Variants in TRIM54 observed in about 807,000 individuals in gnomAD.
TRIM54 encodes the protein tripartite motif-containing protein 54.
Under a neutral mutation model 42.0 loss-of-function variants are expected in TRIM54, and 40 were observed. The observed-to-expected ratio is 0.95, with a 90% CI of 0.74 to 1.24. The LOEUF (loss-of-function observed/expected upper bound fraction) is 1.24. Among genes scored for constraint, TRIM54 ranks in the 50% most tolerant of loss-of-function variants. The probability of loss-of-function intolerance (pLI) is 0.00; values close to 1 mark genes in which losing one functional copy is unlikely to be tolerated. For synonymous variants in TRIM54, 199 were observed against 194.9 expected (o/e 1.02, Z -0.17); for missense variants, 485 against 480.3 (o/e 1.01, Z -0.09).
rs1192584136 is a variant in TRIM54, at chr2:27,306,742, C to G, written c.*2-145C>G. 5 of 610,282 alleles carry G rather than the reference C, an allele frequency of 8.2e-6. No individual in the cohort carries two copies. Among genetic ancestry groups the G allele is most frequent in the Non-Finnish European group, 1.1e-5 (4 of 351,616 alleles). The allele number at this position is 610,282 out of a possible 1,614,324, so 37.8% of individuals were successfully genotyped here. Reference sequence around the variant, plus strand: ...GGAAAAGTACACTTTCCTCCTCACCCGCTGTTCCTCTGGGGTGCTGGGAGG... The same window carrying G: ...GGAAAAGTACACTTTCCTCCTCACCGGCTGTTCCTCTGGGGTGCTGGGAGG... On this transcript the variant is annotated intron_variant, in intron 8 of 8. Transcript: ENST00000380075. The surrounding 1 kb of genome is among the most constrained non-coding windows in gnomAD (Gnocchi z 6.1).
rs777877853 is a variant in TRIM54, at chr2:27,298,872, G to A, written c.341+133G>A. 32 of 1,009,614 alleles carry A rather than the reference G, an allele frequency of 3.2e-5. 1 individual carries two copies. Among genetic ancestry groups the A allele is most frequent in the Admixed American group, 5.3e-5 (2 of 37,964 alleles). The allele number at this position is 1,009,614 out of a possible 1,614,324, so 62.5% of individuals were successfully genotyped here. A position where few individuals can be genotyped will look rare whatever the true frequency, so the allele number is the denominator to read the frequency against. On this transcript the variant is annotated intron_variant, in intron 2 of 8. Transcript: ENST00000380075. Reference sequence around the variant, plus strand: ...GTCTAGAGACCATAGGACTGGATCCGGAGAGGGACTTGCCTCAGGCCTCCC... The same window carrying A: ...GTCTAGAGACCATAGGACTGGATCCAGAGAGGGACTTGCCTCAGGCCTCCC...
At position 27,307,102 on chromosome 2, in the gene TRIM54, CG is replaced by C. The variant is rs1679246683; in HGVS notation, c.*218del. On this transcript the variant is annotated 3_prime_UTR_variant, in exon 9 of 9. Transcript: ENST00000380075. This position sits in a 1 kb window ranked among gnomAD's most constrained non-coding sequence, Gnocchi z 6.9. ...TCCTGCCCTTCCCAGAACCTGAGAC[CG>C]TCTGGGGGGCGGAAGCCAAATGAAC... 1.2e-5 allele frequency: 3 copies of C among 247,102 alleles called. No homozygotes were observed. Among genetic ancestry groups the C allele is most frequent in the Admixed American group, 1.0e-4 (2 of 19,378 alleles). 15.3% of individuals were successfully genotyped at this position (247,102 alleles called of 1,614,324 possible).
intron 3 of TRIM54, among the ~76,000 whole-genome samples, chr2:27,303,546 T>C (rs1048388584): frequency 6.7e-5 from 10 of 149,530 alleles, no homozygotes; most frequent in African/African-American, 1.0e-4. Context: ...AGAGACTCCG[T>C]CTAAAAAAAA....
chr2:27,293,911 T>G (rs1214345340), intron 1 of TRIM54, among the ~76,000 whole-genome samples: 1 of 151,824 alleles, frequency 6.6e-6, no homozygotes, highest in Non-Finnish European at 1.5e-5. Context: ...TACTCCCAGC[T>G]ACTCAGGAGG....
chr2:27,283,766 A>ACACACGCACGCGCGCGCGCGCGCG lies in TRIM54; in HGVS notation c.168+872_168+873insGCACGCGCGCGCGCGCGCGCACAC, dbSNP rs1164806717. Among the ~76,000 whole-genome samples, 43 of 88,698 alleles carry ACACACGCACGCGCGCGCGCGCGCG rather than the reference A, an allele frequency of 4.8e-4. 1 individual carries two copies. The highest frequency in any genetic ancestry group is 2.3e-3 in the African/African-American group (35 of 15,498). 58.2% of individuals were successfully genotyped at this position (88,698 alleles called of 152,430 possible). Reference sequence around the variant, plus strand: ...ATCAGGGAGAGTGAGGGGCAAAGGCACACACACACACACGCGCGCACACAC... The same window carrying ACACACGCACGCGCGCGCGCGCGCG: ...ATCAGGGAGAGTGAGGGGCAAAGGCACACACGCACGCGCGCGCGCGCGCGCACACACACACACGCGCGCACACAC... On this transcript the variant is annotated intron_variant, in intron 1 of 8. Transcript: ENST00000380075.
Position 27,298,557 on chromosome 2 carries a change from G to C in TRIM54, c.169-10G>C. 1 of 1,610,716 alleles carries C rather than the reference G, an allele frequency of 6.2e-7. No homozygotes were observed. ...CCGTGCCTGTTCTCTCAAGCCATCTGTCCCTGCAGGCCTCGAATCCTCTAT... is the reference window on the plus strand; with the variant it reads ...CCGTGCCTGTTCTCTCAAGCCATCTCTCCCTGCAGGCCTCGAATCCTCTAT... On this transcript the variant is annotated splice_polypyrimidine_tract_variant and intron_variant, in intron 1 of 8. Coordinates refer to ENST00000380075, the MANE Select transcript of TRIM54 (RefSeq NM_187841.3).
intron 3 of TRIM54, among the ~76,000 whole-genome samples, chr2:27,300,634 G>A (rs996031607): frequency 1.3e-5 from 2 of 151,970 alleles, no homozygotes; most frequent in African/African-American, 4.8e-5. Flanking sequence ...CTTTAGAAGA[G>A]CGAGGCAGGG....
chr2:27,301,700 C>A (rs944638031), intron 3 of TRIM54, among the ~76,000 whole-genome samples: 1 of 152,022 alleles, frequency 6.6e-6, no homozygotes, highest in Non-Finnish European at 1.5e-5. Flanking sequence ...TATCTTGTGC[C>A]GACCTCCTAT....
rs1679213362 is a variant in TRIM54 at position 27,306,442 on chromosome 2, T to C, written c.992-14T>C. 2 of 1,604,016 alleles carry C rather than the reference T, an allele frequency of 1.2e-6. No homozygotes were observed. Among genetic ancestry groups the C allele is most frequent in the Non-Finnish European group, 1.7e-6 (2 of 1,175,310 alleles). Reference sequence around the variant, plus strand: ...GGCAGGGACTCCACCTCACCAGGCCTTCCTTGGGCTCAGGCGCTTCCGGGG... The same window carrying C: ...GGCAGGGACTCCACCTCACCAGGCCCTCCTTGGGCTCAGGCGCTTCCGGGG... On this transcript the variant is annotated splice_polypyrimidine_tract_variant and intron_variant, in intron 7 of 8. Coordinates refer to ENST00000380075, the MANE Select transcript of TRIM54 (RefSeq NM_187841.3). This position sits in a 1 kb window ranked among gnomAD's most constrained non-coding sequence, Gnocchi z 6.1.
Position 27,299,561 on chromosome 2 carries a change from A to G in TRIM54, c.513+145A>G, listed in dbSNP as rs1045940355. ...GATCTCACTCTGTTGCCCAGGCTGG[A>G]GTGCAGTGGCACAAACACAACTTAC... On this transcript the variant is annotated intron_variant, in intron 3 of 8. Transcript: ENST00000380075. 4 of 1,520,102 alleles carry G rather than the reference A, an allele frequency of 2.6e-6. No individual in the cohort carries two copies. In the Admixed American group the frequency reaches 7.9e-5, roughly 30 times the overall value. 94.2% of individuals were successfully genotyped at this position (1,520,102 alleles called of 1,614,324 possible). A position where few individuals can be genotyped will look rare whatever the true frequency, so the allele number is the denominator to read the frequency against.
chr2:27,283,854 G>A (rs1244870709), intron 1 of TRIM54, among the ~76,000 whole-genome samples: 1 of 150,418 alleles, frequency 6.6e-6, no homozygotes, highest in African/African-American at 2.5e-5. Context: ...CCTGAATATG[G>A]CCAGGTGCAG....
chr2:27,282,987 A>T (rs947538872), intron 1 of TRIM54, 88 bp downstream of exon 1: 1 of 1,409,268 alleles, frequency 7.1e-7, no homozygotes, highest in Non-Finnish European at 9.6e-7. Context: ...CCAGAAGGTG[A>T]TGGATAGAGT....
At position 27,306,267 on chromosome 2, in the gene TRIM54, G is replaced by C. The variant is rs1311526701; in HGVS notation, c.921G>C (p.Glu307Asp). 2 of 1,614,130 alleles carry C rather than the reference G, an allele frequency of 1.2e-6. No homozygotes were observed. Among genetic ancestry groups the C allele is most frequent in the African/African-American group, 2.7e-5 (2 of 75,050 alleles). The change falls in exon 7 of 9, where the codon GAG (glutamate) becomes GAC (aspartate). Residue 307 changes from glutamate to aspartate, a missense_variant. Transcript: ENST00000380075. This position sits in a 1 kb window ranked among gnomAD's most constrained non-coding sequence, Gnocchi z 6.1. The stretch of plus-strand genomic sequence containing the variant: ...CAGGGCGGCCGGAGCCAGGCTATGA[G>C]AGCATGGAGCAATTCACCGTAAGGG... ...ELAGRPEPGY[E>D]SMEQFTVRVE...
intron 4 of TRIM54, 46 bp downstream of exon 4, chr2:27,305,100 G>A: frequency 6.5e-7 from 1 of 1,532,028 alleles, no homozygotes; most frequent in Non-Finnish European, 9.0e-7. Flanking sequence ...TGGCTAGCCT[G>A]CGGACCCCGG....
chr2:27,298,714 G>A lies in TRIM54; in HGVS notation c.316G>A (p.Asp106Asn), dbSNP rs140219939. The change falls in exon 2 of 9, where the codon GAC becomes AAC. Residue 106 changes from aspartate (D) to asparagine (N), a missense_variant. Coordinates refer to ENST00000380075, the MANE Select transcript of TRIM54 (RefSeq NM_187841.3). ...QRNLLVENII[D>N]IYKQESSRPL... ...AAACCTGCTAGTGGAGAACATTATC[G>A]ACATTTACAAGCAGGAGTCATCCAG... 613 of 1,614,062 alleles carry A rather than the reference G, an allele frequency of 3.8e-4. No individual in the cohort carries two copies. The highest frequency in any genetic ancestry group is 5.2e-4 in the Admixed American group (31 of 60,000).
At chr2:27,297,423 A>G (rs1048088122) in intron 1 of TRIM54, among the ~76,000 whole-genome samples, 6 of 152,194 alleles carry the variant, frequency 3.9e-5, no homozygotes, top group Admixed American at 3.9e-4. Flanking sequence ...TGTGGCAGGG[A>G]TCTCCCTTCT....
In TRIM54 at chr2:27,305,557, C is replaced by A. The variant is rs781231968; in HGVS notation, c.610-27C>A. ...AGCCACCGGGTCTCAGCCACGCCTT[C>A]CCTCATCCTTGCTCCCCATCTTTTA... On this transcript the variant is annotated intron_variant, in intron 4 of 8. Transcript: ENST00000380075. The A allele has an allele frequency of 1.9e-6, 3 of 1,595,532 alleles. No individual in the cohort carries two copies. In the South Asian group the frequency reaches 3.4e-5, roughly 18 times the overall value.
chr2:27,287,178 T>C (rs533424628), intron 1 of TRIM54, among the ~76,000 whole-genome samples: 10 of 152,292 alleles, frequency 6.6e-5, no homozygotes, highest in African/African-American at 1.9e-4. Context: ...CCTGTTTACA[T>C]AACTATAAAT....
Position 27,306,905 on chromosome 2 carries a change from C to A in TRIM54, c.*20C>A. 1 of 338,420 alleles carries A rather than the reference C, an allele frequency of 3.0e-6. No individual in the cohort carries two copies. Among genetic ancestry groups the A allele is most frequent in the Admixed American group, 4.6e-5 (1 of 21,836 alleles). The allele number at this position is 338,420 out of a possible 1,614,324, so 21.0% of individuals were successfully genotyped here. On this transcript the variant is annotated 3_prime_UTR_variant, in exon 9 of 9. Transcript: ENST00000380075. The surrounding 1 kb of genome is among the most constrained non-coding windows in gnomAD (Gnocchi z 6.1). ...GGCACAGGCCTGCGCCGACCCGACCCTGCTCGAGAGCCCGCGCTAGAGTCG... is the reference window on the plus strand; with the variant it reads ...GGCACAGGCCTGCGCCGACCCGACCATGCTCGAGAGCCCGCGCTAGAGTCG...
Sources: allele counts gnomAD v4.1 joint callset (sites outside exome capture counted in the v4.1 genomes callset), GRCh38; gene constraint gnomAD v4.1.1; non-coding constraint Gnocchi (gnomAD v3.1); transcripts MANE v1.5; gene names NCBI Gene and HGNC (gene_info 2026-07-23, HGNC 2026-07-21).